Variants in ACACA observed in about 807,000 individuals in gnomAD.
ACACA encodes acetyl-CoA carboxylase alpha, also known as acetyl-CoA carboxylase 1.
Under a neutral mutation model 296.1 loss-of-function variants are expected in ACACA, and 103 were observed. The ratio of observed to expected loss-of-function variants is 0.35; its 90% confidence interval spans 0.30 to 0.41. The LOEUF (loss-of-function observed/expected upper bound fraction) is 0.41. ACACA is among the 10% of genes least tolerant of loss of function. ACACA has a pLI of 1.00. For missense variants in ACACA, 1,554 were observed against 2,989.7 expected (o/e 0.52, Z 11.20); for synonymous variants, 953 against 1,038.6 (o/e 0.92, Z 1.58).
At chr17:37,404,133 G>A (rs2051384915) in intron 1 of ACACA, among the ~76,000 whole-genome samples, 1 of 152,152 alleles carries the variant, frequency 6.6e-6, no homozygotes, top group South Asian at 2.1e-4. Context: ...TTTTTCTACA[G>A]TATTACAACA....
chr17:37,345,839 G>A (rs1267963099), intron 1 of ACACA, among the ~76,000 whole-genome samples: 1 of 152,128 alleles, frequency 6.6e-6, no homozygotes, highest in Non-Finnish European at 1.5e-5. Context: ...GATCAGGGGA[G>A]ATTAATGAGA....
intron 50 of ACACA, among the ~76,000 whole-genome samples, chr17:37,115,097 T>G (rs528217191): frequency 6.6e-6 from 1 of 152,308 alleles, no homozygotes; most frequent in East Asian, 1.9e-4. Flanking sequence ...CTATGTGGAA[T>G]GTGTATGATA....
chr17:37,174,020 A>ATATATTTTTTT (rs552735515), intron 41 of ACACA, among the ~76,000 whole-genome samples: 2 of 16,796 alleles, frequency 1.2e-4, no homozygotes, highest in African/African-American at 5.1e-4. Context: ...ATATATATAT[A>ATATATTTTTTT]TTTTTTTTTT....
intron 41 of ACACA, among the ~76,000 whole-genome samples, chr17:37,165,463 A>G (rs2076629469): frequency 6.6e-6 from 1 of 152,144 alleles, no homozygotes; most frequent in South Asian, 2.1e-4. Flanking sequence ...AATAATACCC[A>G]TGGGTTTGAT....
At chr17:37,279,053 C>A (rs2082390682) in intron 5 of ACACA, among the ~76,000 whole-genome samples, 1 of 151,808 alleles carries the variant, frequency 6.6e-6, no homozygotes, top group South Asian at 2.1e-4. Context: ...ATTTATGCGG[C>A]CAACAAACAT....
At chr17:37,211,361 C>G (rs1389055186) in intron 29 of ACACA, among the ~76,000 whole-genome samples, 1 of 152,168 alleles carries the variant, frequency 6.6e-6, no homozygotes, top group Non-Finnish European at 1.5e-5. Context: ...GAATAGGAAA[C>G]TACAAGGCAC....
intron 44 of ACACA, among the ~76,000 whole-genome samples, chr17:37,150,541 C>CAAA (rs57152851): frequency 2.1e-5 from 3 of 143,408 alleles, no homozygotes; most frequent in African/African-American, 7.6e-5. Flanking sequence ...GACTCTGTCT[C>CAAA]AAAAAAAAAA....
At chr17:37,346,573 G>A (rs1393943820) in intron 1 of ACACA, among the ~76,000 whole-genome samples, 1 of 151,758 alleles carries the variant, frequency 6.6e-6, no homozygotes, top group South Asian at 2.1e-4. Context: ...GTGGTGGCGG[G>A]CGCCTGTAGT....
At chr17:37,277,635 T>G (rs1250117680) in intron 6 of ACACA, among the ~76,000 whole-genome samples, 1 of 152,250 alleles carries the variant, frequency 6.6e-6, no homozygotes, top group Non-Finnish European at 1.5e-5. Flanking sequence ...TAATTTTTAC[T>G]GGCTCAAAGG....
chr17:37,206,700 T>C, intron 32 of ACACA, 83 bp downstream of exon 32: 1 of 1,142,664 alleles, frequency 8.8e-7, no homozygotes, highest in Non-Finnish European at 1.3e-6. Flanking sequence ...TTTCCTATAA[T>C]AGTTCAAAGT....
intron 54 of ACACA, among the ~76,000 whole-genome samples, chr17:37,095,364 G>A (rs556427665): frequency 2.0e-5 from 3 of 152,126 alleles, no homozygotes; most frequent in Admixed American, 6.5e-5. Context: ...ACCAAATGTC[G>A]GAGAAGGCTG....
intron 1 of ACACA, among the ~76,000 whole-genome samples, chr17:37,347,745 T>TAAA (rs1200225097): frequency 2.0e-5 from 2 of 101,814 alleles, no homozygotes. Context: ...CCTACTTACG[T>TAAA]AAAAAAAAAA....
chr17:37,260,744 GGAAAA>G (rs1346932070), intron 11 of ACACA, among the ~76,000 whole-genome samples: 1 of 151,588 alleles, frequency 6.6e-6, no homozygotes, highest in Non-Finnish European at 1.5e-5. Flanking sequence ...AGAAAAGAAA[GGAAAA>G]GAAAAGAAAG....
rs779836787 is a variant in ACACA at position 37,246,983 on chromosome 17, G to A, written c.2310-7C>T. ...GCCAATTGTGATGCGATATCTAGGA[G>A]ACAAGTGGAAGTATGTAAGCTAAGA... On this transcript the variant is annotated splice_polypyrimidine_tract_variant and splice_region_variant and intron_variant, in intron 18 of 55. Coordinates refer to ENST00000616317, the MANE Select transcript of ACACA (RefSeq NM_198834.3). The A allele has an allele frequency of 1.9e-6, 3 of 1,613,866 alleles. No individual in the cohort carries two copies. Among genetic ancestry groups the A allele is most frequent in the Admixed American group, 3.3e-5 (2 of 59,996 alleles).
intron 41 of ACACA, among the ~76,000 whole-genome samples, chr17:37,163,593 T>C (rs1199017258): frequency 1.3e-5 from 2 of 152,222 alleles, no homozygotes. Context: ...CTCCTTGTAC[T>C]GTCCTCTAGC....
intron 13 of ACACA, 125 bp from the exon 14 acceptor site, chr17:37,257,991 G>T: frequency 7.5e-7 from 1 of 1,330,580 alleles, no homozygotes; most frequent in Non-Finnish European, 1.1e-6. Context: ...AAATGATAAA[G>T]GCCAAGACCC....
chr17:37,381,540 C>T (rs533757753), intron 1 of ACACA, among the ~76,000 whole-genome samples: 5 of 151,474 alleles, frequency 3.3e-5, no homozygotes, highest in South Asian at 2.1e-4. Flanking sequence ...CATTTCAATA[C>T]GTATATATTT....
At chr17:37,243,879 A>G (rs550271174) in intron 21 of ACACA, among the ~76,000 whole-genome samples, 1 of 152,284 alleles carries the variant, frequency 6.6e-6, no homozygotes, top group South Asian at 2.1e-4. Flanking sequence ...TTCAATAAAA[A>G]TTTATATAAT....
At chr17:37,375,432 A>C (rs1323528031) in intron 1 of ACACA, among the ~76,000 whole-genome samples, 1 of 152,116 alleles carries the variant, frequency 6.6e-6, no homozygotes, top group East Asian at 1.9e-4. Flanking sequence ...GCTTGCAGTG[A>C]GCCGAGATCG....
Sources: gnomAD v4.1 joint callset for allele counts (sites outside exome capture counted in the v4.1 genomes callset) on GRCh38, gnomAD v4.1.1 for gene constraint, MANE v1.5 for transcripts, NCBI Gene and HGNC (gene_info 2026-07-23, HGNC 2026-07-21) for gene names.